Variants in NIBAN1 observed in about 807,000 individuals in gnomAD.
NIBAN1 encodes the protein protein Niban 1.
NIBAN1 carries 81 observed loss-of-function variants against 75.1 expected under a neutral mutation model. The observed-to-expected ratio is 1.08, with a 90% CI of 0.90 to 1.30. NIBAN1 has a LOEUF of 1.30. Among genes scored for constraint, NIBAN1 ranks in the 50% most tolerant of loss-of-function variants. The pLI, the probability that NIBAN1 is intolerant of heterozygous loss-of-function variation, is 0.00. For synonymous variants in NIBAN1, 436 were observed against 424.8 expected (o/e 1.03, Z -0.32); for missense variants, 1,133 against 1,128.1 (o/e 1.00, Z -0.06).
intron 1 of NIBAN1, among the ~76,000 whole-genome samples, chr1:184,966,551 A>G (rs570014182): frequency 3.5e-4 from 53 of 152,356 alleles, no homozygotes; most frequent in African/African-American, 1.1e-3. Context: ...TGAGGTAGTT[A>G]TAAATAGATA....
intron 1 of NIBAN1, among the ~76,000 whole-genome samples, chr1:184,906,732 A>C (rs1374084230): frequency 3.9e-5 from 6 of 152,218 alleles, no homozygotes. Context: ...TGTGGGAAAT[A>C]ATTTACAAAC....
chr1:184,799,724 T>G (rs1261973295), intron 12 of NIBAN1, among the ~76,000 whole-genome samples: 1 of 98,974 alleles, frequency 1.0e-5, no homozygotes, highest in Non-Finnish European at 1.9e-5. Flanking sequence ...GACTTTTTAA[T>G]GATTGCCATT....
chr1:184,812,096 G>C (rs923983641), intron 9 of NIBAN1, among the ~76,000 whole-genome samples: 1 of 152,114 alleles, frequency 6.6e-6, no homozygotes, highest in Non-Finnish European at 1.5e-5. Flanking sequence ...TCTTGCTCTG[G>C]CCTCCCTGAG....
At chr1:184,833,661 A>G (rs1015494850) in intron 5 of NIBAN1, among the ~76,000 whole-genome samples, 1 of 152,232 alleles carries the variant, frequency 6.6e-6, no homozygotes, top group South Asian at 2.1e-4. Flanking sequence ...ATAACTGCAC[A>G]ATTGCACCCT....
chr1:184,869,062 T>C (rs566461457), intron 5 of NIBAN1, among the ~76,000 whole-genome samples: 54 of 152,190 alleles, frequency 3.5e-4, no homozygotes, highest in South Asian at 3.5e-3. Flanking sequence ...GAAATGCAAA[T>C]TCTTAGGACC....
intron 1 of NIBAN1, among the ~76,000 whole-genome samples, chr1:184,956,075 G>A (rs891248892): frequency 2.0e-5 from 3 of 151,330 alleles, no homozygotes; most frequent in East Asian, 3.9e-4. Context: ...TGCCTAGGCC[G>A]GAATGCAGTT....
intron 1 of NIBAN1, among the ~76,000 whole-genome samples, chr1:184,954,967 T>C (rs1327527501): frequency 1.3e-5 from 2 of 152,216 alleles, no homozygotes; most frequent in Non-Finnish European, 2.9e-5. Flanking sequence ...ATGTGAGCCA[T>C]AGATGTAAGC....
At chr1:184,948,268 C>T (rs967340419) in intron 1 of NIBAN1, among the ~76,000 whole-genome samples, 60 of 152,248 alleles carry the variant, frequency 3.9e-4, no homozygotes, top group African/African-American at 1.4e-3. Flanking sequence ...TCAATTAACT[C>T]CTGTTCAAAG....
chr1:184,892,053 A>G (rs1656681968), intron 3 of NIBAN1, among the ~76,000 whole-genome samples: 1 of 152,236 alleles, frequency 6.6e-6, no homozygotes, highest in South Asian at 2.1e-4. Context: ...AAAAGAGGAA[A>G]AACACCAACA....
At chr1:184,912,937 G>A (rs1459718511) in intron 1 of NIBAN1, among the ~76,000 whole-genome samples, 1 of 151,998 alleles carries the variant, frequency 6.6e-6, no homozygotes, top group African/African-American at 2.4e-5. Flanking sequence ...TTGGCCCCAG[G>A]CCTACTGAAT....
intron 4 of NIBAN1, among the ~76,000 whole-genome samples, chr1:184,886,102 T>C (rs777284022): frequency 3.3e-5 from 5 of 152,118 alleles, no homozygotes; most frequent in Non-Finnish European, 7.4e-5. Flanking sequence ...CTTTCCATCA[T>C]GCTTTCCCAT....
rs1653755093 is a variant in NIBAN1, at chr1:184,793,658, G to A, written c.*1319C>T. On this transcript the variant is annotated 3_prime_UTR_variant, in exon 14 of 14. Transcript: ENST00000367511. ...AATGATCTGGTATTTTTCTGAAGGAGAAAAGAACAACTCCTTTTAATCTTT... is the reference window on the plus strand; with the variant it reads ...AATGATCTGGTATTTTTCTGAAGGAAAAAAGAACAACTCCTTTTAATCTTT... The A allele has an allele frequency of 6.6e-6, 1 of 152,214 alleles. No individual in the cohort carries two copies. Among genetic ancestry groups the A allele is most frequent in the Non-Finnish European group, 1.5e-5 (1 of 68,040 alleles). The allele number at this position is 152,214 out of a possible 1,614,324, so 9.4% of individuals were successfully genotyped here.
chr1:184,827,339 C>T (rs1480334687), intron 6 of NIBAN1, among the ~76,000 whole-genome samples: 1 of 152,092 alleles, frequency 6.6e-6, no homozygotes, highest in Non-Finnish European at 1.5e-5. Flanking sequence ...CTTTCAGCCC[C>T]ACCCTGCCCT....
At chr1:184,929,765 A>G (rs1032580026) in intron 1 of NIBAN1, among the ~76,000 whole-genome samples, 3 of 152,208 alleles carry the variant, frequency 2.0e-5, no homozygotes, top group African/African-American at 7.2e-5. Flanking sequence ...AGCTCCACTA[A>G]CGTGTGGTCA....
At chr1:184,860,324 A>T (rs1198054412) in intron 5 of NIBAN1, among the ~76,000 whole-genome samples, 1 of 152,186 alleles carries the variant, frequency 6.6e-6, no homozygotes, top group Non-Finnish European at 1.5e-5. Context: ...CTTCCAGAGT[A>T]AAACAAAAAT....
At chr1:184,857,025 G>GTCCTCATCACACAGCA (rs1239719983) in intron 5 of NIBAN1, among the ~76,000 whole-genome samples, 113 of 152,224 alleles carry the variant, frequency 7.4e-4, no homozygotes, top group African/African-American at 2.7e-3. Flanking sequence ...AGAGCACAGT[G>GTCCTCATCACACAGCA]TCCTCATCAC....
chr1:184,792,909 C>T lies in NIBAN1; in HGVS notation c.*2068G>A, dbSNP rs1002845393. The T allele has an allele frequency of 6.6e-6, 1 of 152,178 alleles. No homozygotes were observed. Among genetic ancestry groups the T allele is most frequent in the Non-Finnish European group, 1.5e-5 (1 of 68,054 alleles). The allele number at this position is 152,178 out of a possible 1,614,324, so 9.4% of individuals were successfully genotyped here. On this transcript the variant is annotated 3_prime_UTR_variant, in exon 14 of 14. Coordinates refer to ENST00000367511, the MANE Select transcript of NIBAN1 (RefSeq NM_052966.4). ...GCCACTTGGAGAGACAAGAAGTAAA[C>T]CTAATTTCAACACACCATGCTAAAT...
intron 5 of NIBAN1, among the ~76,000 whole-genome samples, chr1:184,876,495 C>T (rs779437590): frequency 1.3e-5 from 2 of 151,704 alleles, no homozygotes; most frequent in Non-Finnish European, 2.9e-5. Flanking sequence ...GTCAGGAGTT[C>T]GAGACCAGCC....
chr1:184,791,369 C>A lies in NIBAN1; in HGVS notation c.*3608G>T, dbSNP rs1054126859. ...ACTTTTGTCTTGGGGAATTGTGAAA[C>A]CTTTTGAAATCACTAGCTCTGACAT... is the stretch of plus-strand genomic sequence containing the variant. On this transcript the variant is annotated 3_prime_UTR_variant, in exon 14 of 14. Coordinates refer to ENST00000367511, the MANE Select transcript of NIBAN1 (RefSeq NM_052966.4). 2 of 156,984 alleles carry A rather than the reference C, an allele frequency of 1.3e-5. No homozygotes were observed. The highest frequency in any genetic ancestry group is 4.8e-5 in the African/African-American group (2 of 41,418). The allele number at this position is 156,984 out of a possible 1,614,324, so 9.7% of individuals were successfully genotyped here. A position where few individuals can be genotyped will look rare whatever the true frequency, so the allele number is the denominator to read the frequency against.
Sources: gnomAD v4.1 joint callset for allele counts (sites outside exome capture counted in the v4.1 genomes callset) on GRCh38, gnomAD v4.1.1 for gene constraint, MANE v1.5 for transcripts, NCBI Gene and HGNC (gene_info 2026-07-23, HGNC 2026-07-21) for gene names.